The following RBFOX1 variants were observed in gnomAD, a reference collection of about 807,000 sequenced individuals.
RBFOX1 encodes the protein RNA binding protein fox-1 homolog 1.
Under a neutral mutation model 57.7 loss-of-function variants are expected in RBFOX1, and 8 were observed. The observed-to-expected ratio is 0.14, with a 90% CI of 0.08 to 0.25. The LOEUF (loss-of-function observed/expected upper bound fraction) is 0.25. Among genes scored for constraint, RBFOX1 ranks in the 10% least tolerant of loss-of-function variants. RBFOX1 has a pLI of 1.00. For missense variants in RBFOX1, 611 were observed against 548.5 expected, an observed-to-expected ratio of 1.11 and a Z score of -1.14; for synonymous variants, 326 against 222.4, an observed-to-expected ratio of 1.47 and a Z score of -4.15.
rs118150338 is a variant in RBFOX1 at position 6,071,458 on chromosome 16, G to A, written c.-127+51466G>A. Among the ~76,000 whole-genome samples, 256 of 152,258 alleles carry A rather than the reference G, an allele frequency of 1.7e-3. 1 individual carries two copies. The highest frequency in any genetic ancestry group is 2.8e-3 in the Non-Finnish European group (191 of 68,020). ...GAATACTTGGGTGACAAGATAATCT[G>A]TACAACAAACCCCAATAACATGAGT... On this transcript the variant is annotated intron_variant, in intron 1 of 15. Transcript: ENST00000550418.
At chr16:5,246,437 TC>T (rs2062302136) in intron 1 of RBFOX1, among the ~76,000 whole-genome samples, 1 of 152,068 alleles carries the variant, frequency 6.6e-6, no homozygotes, top group South Asian at 2.1e-4. Context: ...ACATATCACC[TC>T]CTCGACTTAT....
intron 4 of RBFOX1, among the ~76,000 whole-genome samples, chr16:7,424,691 A>C (rs1400745565): frequency 6.6e-6 from 1 of 152,204 alleles, no homozygotes; most frequent in Non-Finnish European, 1.5e-5. Context: ...AAGGAAATGA[A>C]AGAACCTATG....
At chr16:5,505,750 C>T (rs1334473184) in intron 2 of RBFOX1, among the ~76,000 whole-genome samples, 1 of 152,172 alleles carries the variant, frequency 6.6e-6, no homozygotes, top group East Asian at 1.9e-4. Flanking sequence ...ACCCATTCTG[C>T]CACACTTGTG....
At chr16:6,825,924 A>C (rs899997814) in intron 3 of RBFOX1, among the ~76,000 whole-genome samples, 2 of 152,136 alleles carry the variant, frequency 1.3e-5, no homozygotes, top group African/African-American at 4.8e-5. Context: ...TTAAATTCAA[A>C]TCCTGGTTGT....
At chr16:6,987,292 A>C (rs1212101167) in intron 3 of RBFOX1, among the ~76,000 whole-genome samples, 1 of 152,178 alleles carries the variant, frequency 6.6e-6, no homozygotes, top group Non-Finnish European at 1.5e-5. Flanking sequence ...TCTTAGGATC[A>C]TCTGGTTCAG....
chr16:6,703,399 C>T (rs1449613787), intron 3 of RBFOX1, among the ~76,000 whole-genome samples: 1 of 151,908 alleles, frequency 6.6e-6, no homozygotes, highest in Non-Finnish European at 1.5e-5. Context: ...CATAGTGAGA[C>T]CCCATCTCTA....
At chr16:6,766,625 G>T (rs2077370568) in intron 3 of RBFOX1, among the ~76,000 whole-genome samples, 1 of 152,020 alleles carries the variant, frequency 6.6e-6, no homozygotes, top group East Asian at 1.9e-4. Context: ...AGTCAAGCTA[G>T]TGCTACCAAG....
At chr16:6,278,721 T>C (rs1252847908) in intron 1 of RBFOX1, among the ~76,000 whole-genome samples, 1 of 152,146 alleles carries the variant, frequency 6.6e-6, no homozygotes, top group Non-Finnish European at 1.5e-5. Context: ...ATCATAGATA[T>C]TTGCATACAG....
intron 3 of RBFOX1, among the ~76,000 whole-genome samples, chr16:6,842,792 G>T (rs1343840456): frequency 6.6e-6 from 1 of 151,896 alleles, no homozygotes; most frequent in Non-Finnish European, 1.5e-5. Flanking sequence ...GCATGCATTA[G>T]GTATTTGTCC....
At chr16:6,987,557 A>C (rs1171244780) in intron 3 of RBFOX1, among the ~76,000 whole-genome samples, 1 of 151,880 alleles carries the variant, frequency 6.6e-6, no homozygotes, top group Non-Finnish European at 1.5e-5. Context: ...GCACATCTAT[A>C]CATAAGCATA....
intron 3 of RBFOX1, among the ~76,000 whole-genome samples, chr16:6,972,997 G>A (rs1410534781): frequency 6.6e-6 from 1 of 152,124 alleles, no homozygotes; most frequent in Admixed American, 6.5e-5. Context: ...CCAGCACGGT[G>A]GTAGGCACCT....
chr16:6,658,598 G>T (rs1038472379), intron 3 of RBFOX1, among the ~76,000 whole-genome samples: 4 of 152,098 alleles, frequency 2.6e-5, no homozygotes, highest in Non-Finnish European at 5.9e-5. Flanking sequence ...TAGAATAAAA[G>T]AATTTTTATC....
intron 4 of RBFOX1, among the ~76,000 whole-genome samples, chr16:6,006,245 C>G (rs2059272): frequency 0.063 from 9,665 of 152,238 alleles, 423 homozygotes; most frequent in Middle Eastern, 0.13. Context: ...AATCTGTACT[C>G]TGGTTCCACA....
chr16:6,972,978 ATAGT>A (rs575688611), intron 3 of RBFOX1, among the ~76,000 whole-genome samples: 168 of 152,158 alleles, frequency 1.1e-3, no homozygotes, highest in Non-Finnish European at 1.4e-3. Flanking sequence ...ACAAATAAAA[ATAGT>A]TAGCCCAGCA....
intron 3 of RBFOX1, among the ~76,000 whole-genome samples, chr16:5,736,282 G>A (rs1238593070): frequency 3.3e-5 from 5 of 152,154 alleles, no homozygotes; most frequent in African/African-American, 9.7e-5. Flanking sequence ...GGGGTATAGG[G>A]CTTTAGAATT....
At chr16:6,938,106 CT>C (rs2153490032) in intron 3 of RBFOX1, among the ~76,000 whole-genome samples, 1 of 152,088 alleles carries the variant, frequency 6.6e-6, no homozygotes, top group African/African-American at 2.4e-5. Context: ...AATCACATAC[CT>C]TAAAAAAGGA....
chr16:7,003,200 C>T (rs984222994), intron 3 of RBFOX1, among the ~76,000 whole-genome samples: 26 of 152,112 alleles, frequency 1.7e-4, no homozygotes, highest in Admixed American at 3.3e-4. Flanking sequence ...GTGGCTCACG[C>T]CTGTAATCCC....
chr16:7,403,068 C>G (rs886962328), intron 4 of RBFOX1, among the ~76,000 whole-genome samples: 1 of 152,126 alleles, frequency 6.6e-6, no homozygotes, highest in African/African-American at 2.4e-5. Context: ...GATTATCTGA[C>G]CACTTCTTTT....
intron 3 of RBFOX1, among the ~76,000 whole-genome samples, chr16:6,902,369 G>A (rs1397482299): frequency 6.6e-6 from 1 of 152,180 alleles, no homozygotes; most frequent in Non-Finnish European, 1.5e-5. Context: ...GGTGAAACAA[G>A]TGAATATCTG....
Sources: gnomAD v4.1 joint callset for allele counts (sites outside exome capture counted in the v4.1 genomes callset) on GRCh38, gnomAD v4.1.1 for gene constraint, MANE v1.5 for transcripts, NCBI Gene and HGNC (gene_info 2026-07-23, HGNC 2026-07-21) for gene names.